The following NXPH1 variants were observed in gnomAD, a reference collection of about 807,000 sequenced individuals.
NXPH1 encodes neurexophilin 1, also known as neurexophilin-1.
In NXPH1, 5 loss-of-function variants were observed where a neutral mutation model predicts 23.7. The observed-to-expected ratio is 0.21, with a 90% CI of 0.11 to 0.44. NXPH1 has a LOEUF of 0.44. Ranked by LOEUF, NXPH1 falls within the 20% of genes least tolerant of loss-of-function variation. The pLI, the probability that NXPH1 is intolerant of heterozygous loss-of-function variation, is 0.99. For missense variants in NXPH1, 324 were observed against 321.6 expected (o/e 1.01, Z -0.06); for synonymous variants, 144 against 122.2 (o/e 1.18, Z -1.18).
Position 8,751,735 on chromosome 7 carries a change from A to C in NXPH1, c.782A>C (p.Tyr261Ser). ...CAGAAAGTGTGCCCTGACTACAACT[A>C]CCACAGTGACACACCTTACTTTCCC... ...LVQKVCPDYN[Y>S]HSDTPYFPSG The change falls in exon 3 of 3, where the codon TAC becomes TCC. Residue 261 changes from tyrosine (Y) to serine (S), a missense_variant. By Grantham distance (144) the Tyr-to-Ser change is moderately radical. Coordinates refer to ENST00000405863, the MANE Select transcript of NXPH1 (RefSeq NM_152745.3). This position sits in a 1 kb window ranked among gnomAD's most constrained non-coding sequence, Gnocchi z 4.5. The C allele has an allele frequency of 6.2e-7, 1 of 1,612,336 alleles. No homozygotes were observed. Among genetic ancestry groups the C allele is most frequent in the East Asian group, 2.2e-5 (1 of 44,852 alleles).
chr7:8,483,836 A>G (rs1328771031), intron 2 of NXPH1, among the ~76,000 whole-genome samples: 1 of 152,162 alleles, frequency 6.6e-6, no homozygotes, highest in Non-Finnish European at 1.5e-5. Flanking sequence ...ACAATGCTAA[A>G]TGTTTAAGGA....
chr7:8,505,689 A>G (rs1459794016), intron 2 of NXPH1, among the ~76,000 whole-genome samples: 1 of 152,098 alleles, frequency 6.6e-6, no homozygotes, highest in Admixed American at 6.6e-5. Context: ...TTCAGTTTGC[A>G]TTAAAGTTTT....
chr7:8,644,404 G>A (rs1298637666), intron 2 of NXPH1, among the ~76,000 whole-genome samples: 1 of 152,136 alleles, frequency 6.6e-6, no homozygotes, highest in Non-Finnish European at 1.5e-5. Flanking sequence ...TCTCACCTTG[G>A]CAATGGCTTT....
intron 2 of NXPH1, among the ~76,000 whole-genome samples, chr7:8,589,988 A>G (rs950292746): frequency 6.6e-5 from 10 of 152,120 alleles, no homozygotes; most frequent in Non-Finnish European, 1.2e-4. Flanking sequence ...GTTCAAAGTC[A>G]GTGCAGGCAT....
rs1040961144 is a variant in NXPH1 at position 8,462,049 on chromosome 7, ATCTC to A, written c.54+26286_54+26289del. 4.1e-3 allele frequency among the ~76,000 whole-genome samples: 470 copies of A among 113,722 alleles called. 3 individuals are homozygous for A. The highest frequency in any genetic ancestry group is 0.021 in the African/African-American group (443 of 20,758). The allele number at this position is 113,722 out of a possible 152,430, so 74.6% of individuals were successfully genotyped here. On this transcript the variant is annotated intron_variant, in intron 2 of 2. Coordinates refer to ENST00000405863, the MANE Select transcript of NXPH1 (RefSeq NM_152745.3). ...TGTATATCTATATATCTATATCTCT[ATCTC>A]TCTGTCTATTTTTTGAGAGAGTCTC...
At chr7:8,452,262 C>T (rs934288660) in intron 2 of NXPH1, among the ~76,000 whole-genome samples, 1 of 152,160 alleles carries the variant, frequency 6.6e-6, no homozygotes, top group Admixed American at 6.5e-5. Flanking sequence ...AATCCAATAA[C>T]CGAATCCAAG....
intron 2 of NXPH1, among the ~76,000 whole-genome samples, chr7:8,743,095 T>A (rs1021351681): frequency 2.0e-5 from 3 of 152,186 alleles, no homozygotes; most frequent in Non-Finnish European, 4.4e-5. Flanking sequence ...TAGGTAACCA[T>A]AAACCACTAA....
chr7:8,460,367 G>C lies in NXPH1; in HGVS notation c.54+24600G>C, dbSNP rs139817972. Among the ~76,000 whole-genome samples, 3 of 151,964 alleles carry C rather than the reference G, an allele frequency of 2.0e-5. No individual in the cohort carries two copies. The South Asian group carries it at 6.3e-4, about 32-fold the overall frequency. ...ACTGTCTTTATATCTATCTTTCCTCGTCCATTTAGTTGTTGCTGTTTTGGA... is the reference window on the plus strand; with the variant it reads ...ACTGTCTTTATATCTATCTTTCCTCCTCCATTTAGTTGTTGCTGTTTTGGA... On this transcript the variant is annotated intron_variant, in intron 2 of 2. Coordinates refer to ENST00000405863, the MANE Select transcript of NXPH1 (RefSeq NM_152745.3).
intron 2 of NXPH1, among the ~76,000 whole-genome samples, chr7:8,517,012 A>G (rs763178581): frequency 2.4e-4 from 36 of 152,176 alleles, no homozygotes; most frequent in Non-Finnish European, 4.9e-4. Flanking sequence ...AAGTCAATAA[A>G]TTATAAACAA....
At chr7:8,511,070 C>T (rs931552383) in intron 2 of NXPH1, among the ~76,000 whole-genome samples, 2 of 151,992 alleles carry the variant, frequency 1.3e-5, no homozygotes, top group African/African-American at 4.8e-5. Flanking sequence ...TTAAGTAGAA[C>T]AATAGAGCTT....
chr7:8,693,227 C>A (rs759617075), intron 2 of NXPH1, among the ~76,000 whole-genome samples: 1 of 152,136 alleles, frequency 6.6e-6, no homozygotes, highest in South Asian at 2.1e-4. Flanking sequence ...GAACAAAGCC[C>A]AGGTCAATAT....
At chr7:8,472,017 T>C (rs1816880027) in intron 2 of NXPH1, among the ~76,000 whole-genome samples, 1 of 151,700 alleles carries the variant, frequency 6.6e-6, no homozygotes, top group Non-Finnish European at 1.5e-5. Context: ...ATAAATAATA[T>C]TATTTTATCA....
intron 2 of NXPH1, among the ~76,000 whole-genome samples, chr7:8,640,136 A>G (rs868049092): frequency 2.0e-5 from 3 of 152,148 alleles, no homozygotes; most frequent in Admixed American, 6.6e-5. Flanking sequence ...GTTTTACTCC[A>G]TAGGAATTAT....
chr7:8,440,438 C>T (rs1454441656), intron 2 of NXPH1, among the ~76,000 whole-genome samples: 1 of 152,142 alleles, frequency 6.6e-6, no homozygotes, highest in Admixed American at 6.5e-5. Context: ...CCATTAAATT[C>T]GTGGCTCCTC....
At chr7:8,742,595 A>AC (rs1780386332) in intron 2 of NXPH1, among the ~76,000 whole-genome samples, 1 of 118,322 alleles carries the variant, frequency 8.5e-6, no homozygotes, top group Non-Finnish European at 2.0e-5. Flanking sequence ...AATGTAATTT[A>AC]TAAAATAGAC....
At position 8,456,964 on chromosome 7, in the gene NXPH1, A is replaced by G. The variant is rs111715677; in HGVS notation, c.54+21197A>G. On this transcript the variant is annotated intron_variant, in intron 2 of 2. Transcript: ENST00000405863. ...ACTCTCTATCCTTCTTAGATTGTCA[A>G]AATGGTGGCACAATATCTTCTAAAC... Among the ~76,000 whole-genome samples the G allele has an allele frequency of 5.8e-3, 879 of 152,244 alleles. 7 individuals are homozygous for G. Among genetic ancestry groups the G allele is most frequent in the African/African-American group, 0.02 (848 of 41,514 alleles).
intron 2 of NXPH1, among the ~76,000 whole-genome samples, chr7:8,530,957 T>C (rs1479249179): frequency 6.6e-6 from 1 of 152,240 alleles, no homozygotes; most frequent in Non-Finnish European, 1.5e-5. Context: ...GTACATTATC[T>C]CTTTTGCTTC....
At chr7:8,524,930 C>T (rs1352206416) in intron 2 of NXPH1, among the ~76,000 whole-genome samples, 3 of 152,166 alleles carry the variant, frequency 2.0e-5, no homozygotes, top group Non-Finnish European at 4.4e-5. Context: ...TAGACTAATA[C>T]AGTAAATTGG....
chr7:8,670,263 C>T (rs192358595), intron 2 of NXPH1, among the ~76,000 whole-genome samples: 278 of 152,280 alleles, frequency 1.8e-3, no homozygotes, highest in African/African-American at 6.4e-3. Context: ...GCTTTCTAGT[C>T]TAATAAACTC....
Sources: gnomAD v4.1 joint callset for allele counts (sites outside exome capture counted in the v4.1 genomes callset) on GRCh38, gnomAD v4.1.1 for gene constraint, Gnocchi (gnomAD v3.1) non-coding constraint, MANE v1.5 for transcripts, NCBI Gene and HGNC (gene_info 2026-07-23, HGNC 2026-07-21) for gene names.